Variants in IPCEF1 observed in about 807,000 individuals in gnomAD.
The protein encoded by IPCEF1 is interaction protein for cytohesin exchange factors 1.
Under a neutral mutation model 50.9 loss-of-function variants are expected in IPCEF1, and 31 were observed. The observed-to-expected ratio is 0.61, with a 90% CI of 0.46 to 0.82. The LOEUF is 0.82. Among genes scored for constraint, IPCEF1 ranks in the 40% least tolerant of loss-of-function variants. The probability of loss-of-function intolerance (pLI) is 0.00; values close to 1 mark genes in which losing one functional copy is unlikely to be tolerated. For missense variants in IPCEF1, 458 were observed against 514.0 expected (o/e 0.89, Z 1.05); for synonymous variants, 181 against 192.0 (o/e 0.94, Z 0.47).
intron 11 of IPCEF1, among the ~76,000 whole-genome samples, chr6:154,162,338 T>C (rs1194592671): frequency 6.6e-6 from 1 of 152,192 alleles, no homozygotes; most frequent in Non-Finnish European, 1.5e-5. Flanking sequence ...ATGCTCTACT[T>C]TTTCCTGTCT....
intron 1 of IPCEF1, among the ~76,000 whole-genome samples, chr6:154,295,658 C>A (rs1489836910): frequency 5.9e-5 from 9 of 152,230 alleles, no homozygotes; most frequent in Non-Finnish European, 1.2e-4. Flanking sequence ...TGCCAGCAGC[C>A]CCATGGCTCT....
At chr6:154,165,865 G>A (rs1227549625) in intron 11 of IPCEF1, among the ~76,000 whole-genome samples, 2 of 152,256 alleles carry the variant, frequency 1.3e-5, no homozygotes, top group Non-Finnish European at 2.9e-5. Context: ...GCCCTGTGGA[G>A]AAGCCCATGT....
At chr6:154,229,347 T>A (rs1430692696) in intron 5 of IPCEF1, among the ~76,000 whole-genome samples, 4 of 26,552 alleles carry the variant, frequency 1.5e-4, no homozygotes, top group Non-Finnish European at 2.9e-4. Context: ...AGTTTGCCGG[T>A]TTTTTTTTTT....
chr6:154,334,880 G>A (rs1283176106), intron 1 of IPCEF1, among the ~76,000 whole-genome samples: 4 of 152,052 alleles, frequency 2.6e-5, no homozygotes, highest in African/African-American at 9.7e-5. Flanking sequence ...GAAGCCTCAA[G>A]GTCTCTCTGA....
At chr6:154,236,327 G>C (rs930278359) in intron 5 of IPCEF1, among the ~76,000 whole-genome samples, 2 of 152,182 alleles carry the variant, frequency 1.3e-5, no homozygotes, top group African/African-American at 4.8e-5. Flanking sequence ...CCACTTATAG[G>C]AGGGAACTAC....
chr6:154,240,745 G>A (rs1395425079), intron 5 of IPCEF1, among the ~76,000 whole-genome samples: 1 of 152,208 alleles, frequency 6.6e-6, no homozygotes, highest in Non-Finnish European at 1.5e-5. Flanking sequence ...CATGCAGCTA[G>A]AGATGGAACA....
chr6:154,306,249 G>A (rs1165895297), intron 1 of IPCEF1, among the ~76,000 whole-genome samples: 1 of 152,006 alleles, frequency 6.6e-6, no homozygotes, highest in Non-Finnish European at 1.5e-5. Context: ...CCCCTACCTT[G>A]TCTTCTCACT....
chr6:154,215,364 G>A (rs1778307534), intron 7 of IPCEF1, among the ~76,000 whole-genome samples: 1 of 152,088 alleles, frequency 6.6e-6, no homozygotes, highest in South Asian at 2.1e-4. Flanking sequence ...AGCACTTCAG[G>A]AGGCCAAGGC....
chr6:154,178,315 A>G (rs1800533444), intron 10 of IPCEF1, among the ~76,000 whole-genome samples: 1 of 152,158 alleles, frequency 6.6e-6, no homozygotes. Flanking sequence ...TTAAAATTAC[A>G]TATCTGATTC....
intron 10 of IPCEF1, among the ~76,000 whole-genome samples, chr6:154,181,636 C>T (rs1348413822): frequency 6.6e-6 from 1 of 152,210 alleles, no homozygotes; most frequent in Admixed American, 6.5e-5. Flanking sequence ...CCTGCTTGAA[C>T]TACTGCATCT....
chr6:154,347,451 T>G (rs888086762), intron 1 of IPCEF1, among the ~76,000 whole-genome samples: 3 of 152,150 alleles, frequency 2.0e-5, no homozygotes, highest in African/African-American at 7.2e-5. Flanking sequence ...GCTATTTGAT[T>G]AAAAAATTAG....
chr6:154,200,266 T>A (rs1333511132), intron 9 of IPCEF1, among the ~76,000 whole-genome samples: 1 of 152,214 alleles, frequency 6.6e-6, no homozygotes, highest in African/African-American at 2.4e-5. Context: ...TTCTAGGATC[T>A]GAAAAATCTC....
intron 11 of IPCEF1, among the ~76,000 whole-genome samples, chr6:154,166,972 T>C (rs1247247834): frequency 6.6e-6 from 1 of 152,240 alleles, no homozygotes; most frequent in Non-Finnish European, 1.5e-5. Context: ...TTTTCCATTC[T>C]GGCCTCATTT....
intron 5 of IPCEF1, among the ~76,000 whole-genome samples, chr6:154,238,961 C>A (rs1412805950): frequency 6.6e-6 from 1 of 151,566 alleles, no homozygotes; most frequent in African/African-American, 2.4e-5. Flanking sequence ...GAAACACCGA[C>A]AAAAGTACTA....
chr6:154,293,683 C>T (rs896025705), intron 1 of IPCEF1, among the ~76,000 whole-genome samples: 2 of 152,200 alleles, frequency 1.3e-5, no homozygotes, highest in African/African-American at 2.4e-5. Flanking sequence ...CAGAGCTCTT[C>T]GAGCATTACA....
intron 5 of IPCEF1, among the ~76,000 whole-genome samples, chr6:154,234,094 A>G (rs1382532878): frequency 6.6e-6 from 1 of 152,158 alleles, no homozygotes; most frequent in Non-Finnish European, 1.5e-5. Flanking sequence ...TGTGGCCTCA[A>G]TTATGCAGGA....
At chr6:154,223,370 C>A in intron 5 of IPCEF1, 127 bp from the exon 6 acceptor site, 1 of 726,054 alleles carries the variant, frequency 1.4e-6, no homozygotes, top group East Asian at 2.7e-5. Flanking sequence ...TACCAACCAC[C>A]CTGAATCACC....
intron 2 of IPCEF1, among the ~76,000 whole-genome samples, chr6:154,274,874 G>C (rs1200286182): frequency 6.6e-6 from 1 of 152,158 alleles, no homozygotes; most frequent in Non-Finnish European, 1.5e-5. Context: ...GAAAAGCACT[G>C]GGACTTGTTT....
intron 1 of IPCEF1, among the ~76,000 whole-genome samples, chr6:154,290,457 T>G (rs1412660114): frequency 1.3e-5 from 2 of 152,194 alleles, no homozygotes; most frequent in Non-Finnish European, 1.5e-5. Flanking sequence ...TTTCCAAGTG[T>G]ACTTTACTTC....
Sources: gnomAD v4.1 joint callset for allele counts (sites outside exome capture counted in the v4.1 genomes callset) on GRCh38, gnomAD v4.1.1 for gene constraint, MANE v1.5 for transcripts, NCBI Gene and HGNC (gene_info 2026-07-23, HGNC 2026-07-21) for gene names.